Variants in ESM1 observed in about 807,000 individuals in gnomAD.
The protein encoded by ESM1 is endothelial cell specific molecule 1, also known as endothelial cell-specific molecule 1.
ESM1 carries 7 observed loss-of-function variants against 14.9 expected under a neutral mutation model. The observed-to-expected ratio is 0.47, with a 90% confidence interval of 0.27 to 0.88. The LOEUF is 0.88. Ranked by LOEUF, ESM1 falls within the 40% of genes least tolerant of loss-of-function variation. ESM1 has a pLI of 0.14. For missense variants in ESM1, 192 were observed against 237.9 expected (o/e 0.81, Z 1.27); for synonymous variants, 89 against 89.4 (o/e 1.00, Z 0.02).
Position 54,982,147 on chromosome 5 carries a change from C to A in ESM1, c.302-1G>T. 6.2e-7 allele frequency: 1 copy of A among 1,613,588 alleles called. No homozygotes were observed. The highest frequency in any genetic ancestry group is 8.5e-7 in the Non-Finnish European group (1 of 1,179,770). ...ATCCCGAAGGTGCCGTAGGGACAGT[C>A]TGGGGACAAAGGAAAGGTTGGAGAG... On this transcript the variant is annotated splice_acceptor_variant, in intron 1 of 2. Coordinates refer to ENST00000381405, the MANE Select transcript of ESM1 (RefSeq NM_007036.5). LOFTEE classifies it high-confidence loss of function.
chr5:54,979,305 G>T lies in ESM1; in HGVS notation c.*27C>A. ...TGTGTTGAACAATCACGAAAATAGAGCCTTCTCTCAGAAATCACAGCCGGG... is the reference window on the plus strand; with the variant it reads ...TGTGTTGAACAATCACGAAAATAGATCCTTCTCTCAGAAATCACAGCCGGG... On this transcript the variant is annotated 3_prime_UTR_variant, in exon 3 of 3. Transcript: ENST00000381405. The T allele has an allele frequency of 1.3e-6, 2 of 1,512,054 alleles. No homozygotes were observed. The highest frequency in any genetic ancestry group is 1.8e-6 in the Non-Finnish European group (2 of 1,087,522). 93.7% of individuals were successfully genotyped at this position (1,512,054 alleles called of 1,614,324 possible). A position where few individuals can be genotyped will look rare whatever the true frequency, so the allele number is the denominator to read the frequency against.
At chr5:54,981,873 T>C (rs548215986) in intron 2 of ESM1, 124 bp downstream of exon 2, 2 of 1,038,268 alleles carry the variant, frequency 1.9e-6, no homozygotes, top group Admixed American at 2.4e-5. Flanking sequence ...ACCGTTCCCC[T>C]GAGTAAAGCA....
intron 1 of ESM1, among the ~76,000 whole-genome samples, chr5:54,984,537 T>A (rs558727024): frequency 6.1e-4 from 93 of 152,360 alleles, no homozygotes; most frequent in Non-Finnish European, 1.1e-3. Context: ...GTCAACCTCA[T>A]TCTTTACAGA....
Position 54,982,014 on chromosome 5 carries a change from C to T in ESM1, c.434G>A (p.Arg145Lys), listed in dbSNP as rs534466336. The T allele has an allele frequency of 6.9e-5, 112 of 1,614,142 alleles. 1 individual carries two copies. In the South Asian group the frequency reaches 1.2e-3, roughly 17 times the overall value. The part of the protein sequence containing the change: ...FQYSVTKSSN[R>K]FVSLTEHDMA... ...GTGCTTACCCGTGAGAGAAACAAAT[C>T]TGTTGGAAGACTTGGTTACTGAATA... Residue 145 changes from arginine (R) to lysine (K), a missense_variant, in exon 2 of 3, where the codon AGA becomes AAA. Arg to Lys is a conservative substitution (Grantham distance 26). Transcript: ENST00000381405.
Position 54,982,164 on chromosome 5 carries a change from G to T in ESM1, c.302-18C>A. ...GGGACAGTCTGGGGACAAAGGAAAG[G>T]TTGGAGAGGACGCTGCTTGTTGTAA... On this transcript the variant is annotated intron_variant, in intron 1 of 2. Transcript: ENST00000381405. The T allele has an allele frequency of 6.2e-7, 1 of 1,612,798 alleles. No individual in the cohort carries two copies. The highest frequency in any genetic ancestry group is 8.5e-7 in the Non-Finnish European group (1 of 1,179,326).
At chr5:54,982,196 C>T in intron 1 of ESM1, 50 bp from the exon 2 acceptor site, 1 of 1,598,228 alleles carries the variant, frequency 6.3e-7, no homozygotes, top group Non-Finnish European at 8.6e-7. Context: ...GTAAATACGT[C>T]TCCATCCTAA....
At chr5:54,985,094 C>G in intron 1 of ESM1, 123 bp downstream of exon 1, 4 of 843,958 alleles carry the variant, frequency 4.7e-6, no homozygotes, top group Non-Finnish European at 7.6e-6. Flanking sequence ...TGTGTGGTGC[C>G]TTGTCAAGAA....
intron 2 of ESM1, among the ~76,000 whole-genome samples, chr5:54,979,750 T>C (rs1030247609): frequency 3.9e-5 from 6 of 152,244 alleles, no homozygotes; most frequent in Non-Finnish European, 7.3e-5. Flanking sequence ...TTTTGCTCAC[T>C]GCTATATCTC....
intron 2 of ESM1, 99 bp from the exon 3 acceptor site, chr5:54,979,534 T>A (rs1400575329): frequency 2.5e-6 from 2 of 798,514 alleles, no homozygotes; most frequent in Non-Finnish European, 4.2e-6. Context: ...TACAATGAAA[T>A]CTTTAATCAA....
Position 54,979,046 on chromosome 5 carries a change from C to T in ESM1, c.*286G>A, listed in dbSNP as rs3822313. 169,265 of 273,980 alleles carry T rather than the reference C, an allele frequency of 0.62. 55,233 individuals carry two copies. The highest frequency in any genetic ancestry group is 0.88 in the African/African-American group (39,545 of 44,698). The allele number at this position is 273,980 out of a possible 1,614,324, so 17.0% of individuals were successfully genotyped here. On this transcript the variant is annotated 3_prime_UTR_variant, in exon 3 of 3. Coordinates refer to ENST00000381405, the MANE Select transcript of ESM1 (RefSeq NM_007036.5). ...TCCCTCTTTGGTTGACCTGTCTCCA[C>T]GTAAGATTACCTAAATTGCATTTTT... is the stretch of plus-strand genomic sequence containing the variant.
In ESM1 at chr5:54,985,241, C is replaced by T; in HGVS notation, c.277G>A (p.Gly93Ser). Residue 93 changes from glycine to serine, a missense_variant, in exon 1 of 3, where the codon GGT becomes AGT. Coordinates refer to ENST00000381405, the MANE Select transcript of ESM1 (RefSeq NM_007036.5). Reference protein sequence around the residue: ...CQPSNGEDPFGEEFGICKDCP... With the variant: ...CQPSNGEDPFSEEFGICKDCP... ...CCTTTGCAGATACCAAACTCTTCACCAAAAGGATCCTCCCCATTAGAAGGC... is the reference window on the plus strand; with the variant it reads ...CCTTTGCAGATACCAAACTCTTCACTAAAAGGATCCTCCCCATTAGAAGGC... The T allele has an allele frequency of 6.2e-7, 1 of 1,612,314 alleles. No individual in the cohort carries two copies. Among genetic ancestry groups the T allele is most frequent in the Non-Finnish European group, 8.5e-7 (1 of 1,178,648 alleles).
At chr5:54,982,837 G>A (rs1740414373) in intron 1 of ESM1, among the ~76,000 whole-genome samples, 1 of 152,044 alleles carries the variant, frequency 6.6e-6, no homozygotes, top group Non-Finnish European at 1.5e-5. Context: ...ACACCCTGAG[G>A]GTTTGTACAC....
intron 2 of ESM1, among the ~76,000 whole-genome samples, chr5:54,980,031 C>G (rs1232028959): frequency 6.6e-6 from 1 of 152,168 alleles, no homozygotes; most frequent in Non-Finnish European, 1.5e-5. Context: ...GGTGTGCTTG[C>G]TTTGGCAGTG....
chr5:54,982,993 GACTA>G (rs1271274604), intron 1 of ESM1, among the ~76,000 whole-genome samples: 3 of 152,108 alleles, frequency 2.0e-5, no homozygotes, highest in Non-Finnish European at 4.4e-5. Context: ...CATCTCAGTA[GACTA>G]ACCAACCTTT....
At position 54,977,877 on chromosome 5, in the gene ESM1, TC is replaced by T. The variant is rs1743966804; in HGVS notation, c.*1454del. ...TCAACACAGAGAAGCTGTATCTTGT[TC>T]TTTTTTATTGAACAATAATAAACAT... On this transcript the variant is annotated 3_prime_UTR_variant, in exon 3 of 3. Coordinates refer to ENST00000381405, the MANE Select transcript of ESM1 (RefSeq NM_007036.5). 1 of 152,246 alleles carries T rather than the reference TC, an allele frequency of 6.6e-6. No homozygotes were observed. The highest frequency in any genetic ancestry group is 1.5e-5 in the Non-Finnish European group (1 of 68,042). The allele number at this position is 152,246 out of a possible 1,614,324, so 9.4% of individuals were successfully genotyped here.
In ESM1 at chr5:54,978,844, A is replaced by G. The variant is rs1743992262; in HGVS notation, c.*488T>C. 6.6e-6 allele frequency: 1 copy of G among 151,158 alleles called. No homozygotes were observed. The allele number at this position is 151,158 out of a possible 1,614,324, so 9.4% of individuals were successfully genotyped here. A position where few individuals can be genotyped will look rare whatever the true frequency, so the allele number is the denominator to read the frequency against. On this transcript the variant is annotated 3_prime_UTR_variant, in exon 3 of 3. Coordinates refer to ENST00000381405, the MANE Select transcript of ESM1 (RefSeq NM_007036.5). ...TCCCAAAGCCAAAAAAAAAAAAAAA[A>G]GCACAATTAAATTCTAGAGAAGCTA... is the stretch of plus-strand genomic sequence containing the variant.
At chr5:54,983,041 T>C (rs897189718) in intron 1 of ESM1, among the ~76,000 whole-genome samples, 1 of 152,232 alleles carries the variant, frequency 6.6e-6, no homozygotes, top group Non-Finnish European at 1.5e-5. Flanking sequence ...AATATTCTCT[T>C]GTTGTGAAAA....
In ESM1 at chr5:54,981,991, G is replaced by A; in HGVS notation, c.451+6C>T. 6.2e-7 allele frequency: 1 copy of A among 1,613,400 alleles called. No homozygotes were observed. The highest frequency in any genetic ancestry group is 8.5e-7 in the Non-Finnish European group (1 of 1,179,372). On this transcript the variant is annotated splice_donor_region_variant and intron_variant, in intron 2 of 2. Coordinates refer to ENST00000381405, the MANE Select transcript of ESM1 (RefSeq NM_007036.5). ...TTCCAATGCTTATACCAGAATCAGT[G>A]CTTACCCGTGAGAGAAACAAATCTG...
chr5:54,983,692 A>G (rs1324734950), intron 1 of ESM1, among the ~76,000 whole-genome samples: 1 of 152,236 alleles, frequency 6.6e-6, no homozygotes, highest in African/African-American at 2.4e-5. Context: ...AAGCAATCTT[A>G]AAGATCTTTT....
Sources: gnomAD v4.1 joint callset for allele counts (sites outside exome capture counted in the v4.1 genomes callset) on GRCh38, gnomAD v4.1.1 for gene constraint, MANE v1.5 for transcripts, NCBI Gene and HGNC (gene_info 2026-07-23, HGNC 2026-07-21) for gene names.